Variants in GPATCH1 observed in about 807,000 individuals in gnomAD.
The protein encoded by GPATCH1 is G patch domain-containing protein 1.
A neutral mutation model predicts 114.9 loss-of-function variants in GPATCH1; 73 were observed. The ratio of observed to expected loss-of-function variants is 0.64; its 90% CI spans 0.53 to 0.77. GPATCH1 has a LOEUF of 0.77. Ranked by LOEUF, GPATCH1 falls within the 30% of genes least tolerant of loss-of-function variation. The probability of loss-of-function intolerance (pLI) is 0.00; values close to 1 mark genes in which losing one functional copy is unlikely to be tolerated. For missense variants in GPATCH1, 1,058 were observed against 1,144.3 expected, an observed-to-expected ratio of 0.92 and a Z score of 1.09; for synonymous variants, 391 against 428.4, an observed-to-expected ratio of 0.91 and a Z score of 1.08.
At chr19:33,118,606 G>A (rs1972942485) in intron 16 of GPATCH1, among the ~76,000 whole-genome samples, 1 of 152,054 alleles carries the variant, frequency 6.6e-6, no homozygotes, top group Admixed American at 6.6e-5. Flanking sequence ...AATTTATTTT[G>A]AGTGAAACTT....
chr19:33,110,040 C>A lies in GPATCH1; in HGVS notation c.1585+24C>A, dbSNP rs1972834338. The A allele has an allele frequency of 3.2e-6, 5 of 1,568,628 alleles. No homozygotes were observed. The East Asian group carries it at 9.0e-5, about 28-fold the overall frequency. On this transcript the variant is annotated intron_variant, in intron 11 of 19. Transcript: ENST00000170564. ...AGGTGGGTGCTGGGCCTGGGTGTCCCAAATCTCGGCCCGGGCGGGGTCATA... is the reference window on the plus strand; with the variant it reads ...AGGTGGGTGCTGGGCCTGGGTGTCCAAAATCTCGGCCCGGGCGGGGTCATA...
chr19:33,127,068 G>T (rs1973049620), intron 19 of GPATCH1, among the ~76,000 whole-genome samples: 2 of 152,114 alleles, frequency 1.3e-5, no homozygotes, highest in East Asian at 1.9e-4. Flanking sequence ...CCGGGAGTTG[G>T]AGGTTGCAGT....
intron 17 of GPATCH1, among the ~76,000 whole-genome samples, chr19:33,119,463 G>T (rs1286954587): frequency 6.6e-6 from 1 of 152,146 alleles, no homozygotes; most frequent in Non-Finnish European, 1.5e-5. Context: ...ACTTTGGGAG[G>T]CCGAGGTGGG....
chr19:33,082,718 G>A (rs1972491615), intron 1 of GPATCH1, among the ~76,000 whole-genome samples: 1 of 152,130 alleles, frequency 6.6e-6, no homozygotes. Flanking sequence ...GCTGAGAAAG[G>A]CTAGTCTTCC....
At chr19:33,090,702 A>G (rs1318781190) in intron 2 of GPATCH1, 78 bp from the exon 3 acceptor site, 5 of 843,582 alleles carry the variant, frequency 5.9e-6, no homozygotes, top group Non-Finnish European at 1.0e-5. Context: ...TTTCAAGTCC[A>G]TACATGTTAT....
Position 33,117,955 on chromosome 19 carries a change from G to A in GPATCH1, c.2327G>A (p.Ser776Asn), listed in dbSNP as rs145780052. The change falls in exon 16 of 20, where the codon AGT becomes AAT. Residue 776 changes from serine to asparagine, a missense_variant. Physicochemically the swap from Ser to Asn is conservative, Grantham distance 46. Coordinates refer to ENST00000170564, the MANE Select transcript of GPATCH1 (RefSeq NM_018025.3). ...SSSSEDEQGD[S>N]EDDQAGSGEA... is the part of the protein sequence containing the mutation. ...TCCTCCGAGGATGAGCAAGGTGACAGTGAAGATGATCAGGCAGGCTCTGGG... is the reference window on the plus strand; with the variant it reads ...TCCTCCGAGGATGAGCAAGGTGACAATGAAGATGATCAGGCAGGCTCTGGG... 7 of 1,613,758 alleles carry A rather than the reference G, an allele frequency of 4.3e-6. No homozygotes were observed. Among genetic ancestry groups the A allele is most frequent in the Non-Finnish European group, 5.9e-6 (7 of 1,179,946 alleles).
At chr19:33,094,741 T>C (rs1972636271) in intron 5 of GPATCH1, among the ~76,000 whole-genome samples, 1 of 152,232 alleles carries the variant, frequency 6.6e-6, no homozygotes, top group Non-Finnish European at 1.5e-5. Flanking sequence ...TTTCTTGCCC[T>C]GAGTCTCCCC....
rs185072061 is a variant in GPATCH1 at position 33,085,101 on chromosome 19, G to A, written c.74-3033G>A. 1.8e-4 allele frequency among the ~76,000 whole-genome samples: 27 copies of A among 152,266 alleles called. No homozygotes were observed. In the East Asian group the frequency reaches 4.2e-3, roughly 24 times the overall value. ...CTCATTGTCAGAAGTGCTCCAGTAC[G>A]TGCAGGTCTTCTCTGCTGGGCTCGG... is the stretch of plus-strand genomic sequence containing the variant. On this transcript the variant is annotated intron_variant, in intron 1 of 19. Transcript: ENST00000170564.
intron 8 of GPATCH1, among the ~76,000 whole-genome samples, chr19:33,099,445 G>T (rs951813732): frequency 1.3e-5 from 2 of 151,824 alleles, no homozygotes; most frequent in African/African-American, 4.8e-5. Flanking sequence ...TGAGCTCCGA[G>T]CCTGTCCTTG....
intron 16 of GPATCH1, among the ~76,000 whole-genome samples, chr19:33,118,621 C>T (rs976920049): frequency 3.9e-5 from 6 of 152,178 alleles, no homozygotes; most frequent in African/African-American, 1.2e-4. Context: ...AAACTTGTCT[C>T]CCGCAGTTCT....
At chr19:33,085,812 C>T (rs1312750771) in intron 1 of GPATCH1, among the ~76,000 whole-genome samples, 9 of 152,172 alleles carry the variant, frequency 5.9e-5, no homozygotes, top group Non-Finnish European at 7.3e-5. Flanking sequence ...GGAGTTGTTC[C>T]GTCACTGGTT....
intron 1 of GPATCH1, among the ~76,000 whole-genome samples, chr19:33,086,200 T>TA (rs5827834): frequency 1 from 152,334 of 152,334 alleles, 76,167 homozygotes; most frequent in Non-Finnish European, 1. Context: ...AGTGCATATA[T>TA]GTAATGTAGT....
chr19:33,081,201 C>T lies in GPATCH1; in HGVS notation c.8C>T (p.Ala3Val). The change falls in exon 1 of 20, where the codon GCG (alanine) becomes GTG (valine). Residue 3 changes from alanine (A) to valine (V), a missense_variant. Physicochemically the swap from Ala to Val is moderately conservative, Grantham distance 64. Transcript: ENST00000170564. Reference sequence around the variant, plus strand: ...GGGGCCCGGAAGAGCAGGATGGCGGCGCGGGACAGTGACAGCGAAGAAGAT... The same window carrying T: ...GGGGCCCGGAAGAGCAGGATGGCGGTGCGGGACAGTGACAGCGAAGAAGAT... Reference protein sequence around the residue: MAARDSDSEEDLV... With the variant: MAVRDSDSEEDLV... The T allele has an allele frequency of 9.7e-6, 15 of 1,551,208 alleles. No homozygotes were observed. The highest frequency in any genetic ancestry group is 1.3e-5 in the Non-Finnish European group (15 of 1,146,836).
Position 33,094,209 on chromosome 19 carries a change from T to A in GPATCH1, c.493T>A (p.Trp165Arg). The change falls in exon 5 of 20, where the codon TGG becomes AGG. Residue 165 changes from tryptophan to arginine, a missense_variant. Around this residue, in one of 3 missense-constraint regions of GPATCH1, gnomAD observed 893 missense variants for 977.4 expected, o/e 0.91. Transcript: ENST00000170564. The part of the protein sequence containing the change: ...VGFELLRKMG[W>R]KEGQGVGPRV... ...TTTCGAATTGCTAAGAAAAATGGGT[T>A]GGAAAGAAGGACAAGGAGTTGGTCC... The A allele has an allele frequency of 6.2e-7, 1 of 1,610,062 alleles. No individual in the cohort carries two copies. The highest frequency in any genetic ancestry group is 8.5e-7 in the Non-Finnish European group (1 of 1,176,278).
At chr19:33,124,925 A>G (rs1429899451) in intron 17 of GPATCH1, among the ~76,000 whole-genome samples, 180 bp from the exon 18 acceptor site, 1 of 152,136 alleles carries the variant, frequency 6.6e-6, no homozygotes, top group Non-Finnish European at 1.5e-5. Context: ...CAACTCTGCA[A>G]GGTGGTGTGC....
At chr19:33,118,554 A>G (rs1018405041) in intron 16 of GPATCH1, among the ~76,000 whole-genome samples, 1 of 152,302 alleles carries the variant, frequency 6.6e-6, no homozygotes, top group Non-Finnish European at 1.5e-5. Flanking sequence ...CAAGATTATT[A>G]ACGTGAATAT....
At chr19:33,085,386 A>G (rs1176818965) in intron 1 of GPATCH1, among the ~76,000 whole-genome samples, 1 of 152,042 alleles carries the variant, frequency 6.6e-6, no homozygotes, top group Non-Finnish European at 1.5e-5. Flanking sequence ...TGCCCGGCTA[A>G]TTTTAAACAT....
At chr19:33,106,994 A>G (rs1368838426) in intron 10 of GPATCH1, 95 bp downstream of exon 10, 6 of 881,162 alleles carry the variant, frequency 6.8e-6, no homozygotes, top group Non-Finnish European at 1.1e-5. Context: ...AGTTTTTTAC[A>G]TGAATTTGTA....
intron 17 of GPATCH1, among the ~76,000 whole-genome samples, chr19:33,119,596 G>C (rs1388557345): frequency 6.6e-6 from 1 of 152,010 alleles, no homozygotes; most frequent in Non-Finnish European, 1.5e-5. Flanking sequence ...TACTCTGGAG[G>C]CTGAGGCAGA....
Sources: allele counts gnomAD v4.1 joint callset (sites outside exome capture counted in the v4.1 genomes callset), GRCh38; gene constraint gnomAD v4.1.1; regional missense constraint gnomAD v4.1.1; transcripts MANE v1.5; gene names NCBI Gene and HGNC (gene_info 2026-07-23, HGNC 2026-07-21).